HMCN1: variants seen among roughly 807,000 people sequenced by gnomAD.
HMCN1 encodes hemicentin 1, also known as hemicentin-1.
A neutral mutation model predicts 625.9 loss-of-function variants in HMCN1; 321 were observed. The observed-to-expected ratio is 0.51, with a 90% confidence interval of 0.47 to 0.56. The LOEUF is 0.56. Among genes scored for constraint, HMCN1 ranks in the 20% least tolerant of loss-of-function variants. The pLI, the probability that HMCN1 is intolerant of heterozygous loss-of-function variation, is 0.00. For missense variants in HMCN1, 6,588 were observed against 6,887.3 expected (o/e 0.96, Z 1.54); for synonymous variants, 2,425 against 2,417.6 (o/e 1.00, Z -0.09).
At position 186,132,580 on chromosome 1, in the gene HMCN1, AAC is replaced by A. The variant is rs533754478; in HGVS notation, c.13312+177_13312+178del. ...AGTTGTCATCAAACATAAATCTGAT[AAC>A]ACACAGATATTTTTCTCTATTTTAT... On this transcript the variant is annotated intron_variant, in intron 86 of 106. Coordinates refer to ENST00000271588, the MANE Select transcript of HMCN1 (RefSeq NM_031935.3). 3.9e-4 allele frequency among the ~76,000 whole-genome samples: 60 copies of A among 152,290 alleles called. No individual in the cohort carries two copies. In the East Asian group the frequency reaches 6.0e-3, roughly 15 times the overall value.
chr1:186,085,396 G>C (rs1659409591), intron 57 of HMCN1, among the ~76,000 whole-genome samples: 1 of 152,082 alleles, frequency 6.6e-6, no homozygotes, highest in Non-Finnish European at 1.5e-5. Context: ...GTCTTCATAT[G>C]GCCTGACATA....
chr1:186,090,534 C>T (rs968010975), intron 63 of HMCN1, among the ~76,000 whole-genome samples: 3 of 151,826 alleles, frequency 2.0e-5, no homozygotes, highest in African/African-American at 7.3e-5. Context: ...ATCACTAGCC[C>T]CTATGACTAA....
chr1:185,841,687 T>C (rs1661486498), intron 1 of HMCN1, among the ~76,000 whole-genome samples: 1 of 152,186 alleles, frequency 6.6e-6, no homozygotes, highest in Admixed American at 6.5e-5. Flanking sequence ...AATCATAGTA[T>C]CATATGGTAG....
chr1:185,787,055 T>C (rs1036977923), intron 1 of HMCN1, among the ~76,000 whole-genome samples: 3 of 152,166 alleles, frequency 2.0e-5, no homozygotes, highest in Non-Finnish European at 4.4e-5. Flanking sequence ...CCTTTAAATT[T>C]GAACCTATGA....
At chr1:186,169,982 A>G (rs1337116679) in intron 100 of HMCN1, among the ~76,000 whole-genome samples, 1 of 152,080 alleles carries the variant, frequency 6.6e-6, no homozygotes, top group Non-Finnish European at 1.5e-5. Context: ...TACAAGAAAA[A>G]AAAAAAACCA....
intron 97 of HMCN1, 85 bp downstream of exon 97, chr1:186,154,072 C>A: frequency 1.9e-6 from 2 of 1,046,576 alleles, no homozygotes; most frequent in Non-Finnish European, 3.0e-6. Context: ...TTGAGGCCTA[C>A]ATCTAACATG....
At chr1:186,166,691 C>A (rs1348438000) in intron 99 of HMCN1, 117 bp from the exon 100 acceptor site, 1 of 1,457,376 alleles carries the variant, frequency 6.9e-7, no homozygotes, top group Non-Finnish European at 9.5e-7. Context: ...TTTAGTCCTT[C>A]TTGTTCTTTT....
chr1:185,849,769 G>C (rs534544985), intron 2 of HMCN1, among the ~76,000 whole-genome samples: 72 of 152,052 alleles, frequency 4.7e-4, no homozygotes, highest in African/African-American at 1.6e-3. Flanking sequence ...TATTTAAATA[G>C]ATTTATATAA....
At chr1:186,015,520 T>C in intron 31 of HMCN1, 83 bp downstream of exon 31, 1 of 1,322,598 alleles carries the variant, frequency 7.6e-7, no homozygotes. Flanking sequence ...TCACTAATAG[T>C]CCTTGGTGGG....
At chr1:185,956,156 T>C (rs1479791965) in intron 11 of HMCN1, among the ~76,000 whole-genome samples, 1 of 152,172 alleles carries the variant, frequency 6.6e-6, no homozygotes, top group East Asian at 1.9e-4. Flanking sequence ...ATCTTTCCCA[T>C]TCCATATACC....
At chr1:185,760,030 A>C (rs992721971) in intron 1 of HMCN1, among the ~76,000 whole-genome samples, 4 of 152,210 alleles carry the variant, frequency 2.6e-5, no homozygotes, top group Non-Finnish European at 4.4e-5. Flanking sequence ...TTTTCTTTAG[A>C]GCTTCATAGT....
chr1:186,062,490 T>G, intron 47 of HMCN1, 24 bp from the exon 48 acceptor site: 1 of 1,411,324 alleles, frequency 7.1e-7, no homozygotes, highest in Non-Finnish European at 1.0e-6. Flanking sequence ...GAGCTGTTAT[T>G]TTGTTGTTGT....
At position 186,001,801 on chromosome 1, in the gene HMCN1, G is replaced by A; in HGVS notation, c.4348+60G>A. 3.0e-6 allele frequency: 4 copies of A among 1,342,286 alleles called. No homozygotes were observed. The South Asian group carries it at 4.8e-5, about 16-fold the overall frequency. The allele number at this position is 1,342,286 out of a possible 1,614,324, so 83.1% of individuals were successfully genotyped here. ...AGAAGCATTTCTTACCTAAAATAGA[G>A]CTGACTATATGAAAAAGTAAAGAGA... On this transcript the variant is annotated intron_variant, in intron 28 of 106. Transcript: ENST00000271588.
intron 2 of HMCN1, among the ~76,000 whole-genome samples, chr1:185,849,584 C>T (rs1251487371): frequency 3.3e-5 from 5 of 152,114 alleles, no homozygotes; most frequent in Non-Finnish European, 5.9e-5. Context: ...ATACTGTCAT[C>T]GATTCACTGT....
At chr1:186,110,188 T>TA (rs984804237) in intron 71 of HMCN1, among the ~76,000 whole-genome samples, 45 of 152,120 alleles carry the variant, frequency 3.0e-4, no homozygotes, top group South Asian at 8.3e-4. Context: ...ATATTTACTT[T>TA]AAAAAAAAGC....
At chr1:185,800,142 A>T (rs528306109) in intron 1 of HMCN1, among the ~76,000 whole-genome samples, 3 of 152,300 alleles carry the variant, frequency 2.0e-5, no homozygotes, top group South Asian at 4.1e-4. Context: ...AGTGGGACCC[A>T]CTTAGCTCAC....
intron 77 of HMCN1, among the ~76,000 whole-genome samples, chr1:186,118,363 C>G (rs1661234293): frequency 6.6e-6 from 1 of 152,080 alleles, no homozygotes; most frequent in Non-Finnish European, 1.5e-5. Flanking sequence ...TCCCAGGATG[C>G]AACTTGGCTT....
chr1:186,164,447 G>GT lies in HMCN1; in HGVS notation c.15257-662dup, dbSNP rs1473610305. 2.0e-5 allele frequency among the ~76,000 whole-genome samples: 3 copies of GT among 152,140 alleles called. No individual in the cohort carries two copies. The East Asian group carries it at 5.8e-4, about 29-fold the overall frequency. On this transcript the variant is annotated intron_variant, in intron 97 of 106. Transcript: ENST00000271588. Reference sequence around the variant, plus strand: ...GTAGAGACAGACGGGGTTTCACCATGTTAGGCAGGATGGTCTCGATCTCCT... The same window carrying GT: ...GTAGAGACAGACGGGGTTTCACCATGTTTAGGCAGGATGGTCTCGATCTCCT...
intron 41 of HMCN1, among the ~76,000 whole-genome samples, 183 bp from the exon 42 acceptor site, chr1:186,048,560 G>C (rs1056915051): frequency 8.5e-5 from 13 of 152,166 alleles, no homozygotes; most frequent in African/African-American, 2.9e-4. Context: ...GATGAAAATG[G>C]TTGAATCTTG....
Sources: gnomAD v4.1 joint callset for allele counts (sites outside exome capture counted in the v4.1 genomes callset) on GRCh38, gnomAD v4.1.1 for gene constraint, MANE v1.5 for transcripts, NCBI Gene and HGNC (gene_info 2026-07-23, HGNC 2026-07-21) for gene names.